C8orf74: variants seen among roughly 807,000 people sequenced by gnomAD.
C8orf74 encodes the protein uncharacterized protein C8orf74.
Under a neutral mutation model 22.2 loss-of-function variants are expected in C8orf74, and 29 were observed. The ratio of observed to expected loss-of-function variants is 1.31; its 90% CI spans 0.97 to 1.78. The LOEUF is 1.78. Among genes scored for constraint, C8orf74 ranks in the 40% most tolerant of loss-of-function variants. C8orf74 has a pLI of 0.00. For synonymous variants in C8orf74, 255 were observed against 163.1 expected (o/e 1.56, Z -4.30); for missense variants, 515 against 369.9 (o/e 1.39, Z -3.22).
rs1369677019 is a variant in C8orf74 at position 10,698,085 on chromosome 8, G to A, written c.648+80G>A. The A allele has an allele frequency of 2.9e-6, 4 of 1,358,888 alleles. No individual in the cohort carries two copies. The East Asian group carries it at 1.0e-4, about 35-fold the overall frequency. 84.2% of individuals were successfully genotyped at this position (1,358,888 alleles called of 1,614,324 possible). On this transcript the variant is annotated intron_variant, in intron 3 of 3. Coordinates refer to ENST00000304519, the MANE Select transcript of C8orf74 (RefSeq NM_001040032.2). ...CCAGGGCTGGAGTCACTGCAGATGG[G>A]AGCTCCTCAGTGGCACACAGGGGAG...
intron 2 of C8orf74, among the ~76,000 whole-genome samples, chr8:10,695,775 T>C (rs754699961): frequency 6.6e-6 from 1 of 152,236 alleles, no homozygotes; most frequent in East Asian, 1.9e-4. Flanking sequence ...AGGGCTCACA[T>C]GAAGGAAGAG....
chr8:10,699,328 G>A (rs1799601379), intron 3 of C8orf74, among the ~76,000 whole-genome samples: 1 of 152,186 alleles, frequency 6.6e-6, no homozygotes, highest in Admixed American at 6.5e-5. Flanking sequence ...CAAGGGCATA[G>A]AACAAAAAAC....
At chr8:10,673,057 G>A (rs1339646640) in intron 1 of C8orf74, among the ~76,000 whole-genome samples, 1 of 152,128 alleles carries the variant, frequency 6.6e-6, no homozygotes, top group Non-Finnish European at 1.5e-5. Flanking sequence ...CTTTCTAGGG[G>A]GTGCTGTCTA....
At chr8:10,697,113 G>A (rs6980758) in intron 2 of C8orf74, among the ~76,000 whole-genome samples, 1 of 152,070 alleles carries the variant, frequency 6.6e-6, no homozygotes, top group African/African-American at 2.4e-5. Flanking sequence ...TGGTACACTC[G>A]ATACCTTTCA....
chr8:10,698,663 C>A (rs1799584558), intron 3 of C8orf74, among the ~76,000 whole-genome samples: 1 of 152,080 alleles, frequency 6.6e-6, no homozygotes, highest in Non-Finnish European at 1.5e-5. Context: ...GAGGGCCTGG[C>A]CAAGCCTACA....
At chr8:10,686,317 G>A (rs1177332204) in intron 2 of C8orf74, among the ~76,000 whole-genome samples, 2 of 152,124 alleles carry the variant, frequency 1.3e-5, no homozygotes, top group African/African-American at 4.8e-5. Context: ...CTAAACCTCA[G>A]TTTCTTCATC....
intron 2 of C8orf74, chr8:10,691,195 CCAGG>C: frequency 5.8e-6 from 2 of 342,316 alleles, no homozygotes; most frequent in Non-Finnish European, 1.2e-5. Context: ...CCCTGTTGAC[CCAGG>C]ACAAGGTCTA....
At chr8:10,678,294 T>C (rs1008405762) in intron 2 of C8orf74, among the ~76,000 whole-genome samples, 1 of 152,168 alleles carries the variant, frequency 6.6e-6, no homozygotes, top group African/African-American at 2.4e-5. Context: ...CCTGGGATTG[T>C]TAGAAGGATC....
chr8:10,683,087 G>T (rs1799186290), intron 2 of C8orf74, among the ~76,000 whole-genome samples: 2 of 152,346 alleles, frequency 1.3e-5, no homozygotes, highest in Admixed American at 1.3e-4. Flanking sequence ...GTGCAGGAAG[G>T]CCTGAGAAGC....
chr8:10,678,440 T>C (rs1178256787), intron 2 of C8orf74, among the ~76,000 whole-genome samples: 1 of 152,042 alleles, frequency 6.6e-6, no homozygotes, highest in Non-Finnish European at 1.5e-5. Context: ...AAACCTGGCA[T>C]AGTCAGGGGT....
At chr8:10,683,326 T>C (rs780955227) in intron 2 of C8orf74, among the ~76,000 whole-genome samples, 7 of 152,228 alleles carry the variant, frequency 4.6e-5, no homozygotes, top group Non-Finnish European at 7.3e-5. Context: ...TGTCCTGGCC[T>C]GGATGTGCCA....
intron 2 of C8orf74, among the ~76,000 whole-genome samples, chr8:10,682,347 G>C (rs1386553973): frequency 6.6e-6 from 1 of 152,174 alleles, no homozygotes; most frequent in South Asian, 2.1e-4. Flanking sequence ...TAGTTTACCA[G>C]GGTTGCTGCA....
intron 2 of C8orf74, among the ~76,000 whole-genome samples, chr8:10,685,094 G>A (rs768691258): frequency 6.6e-5 from 10 of 152,174 alleles, no homozygotes; most frequent in South Asian, 2.1e-4. Flanking sequence ...ATTTATTTCC[G>A]GAGATTTTTA....
Position 10,698,018 on chromosome 8 carries a change from C to T in C8orf74, c.648+13C>T. On this transcript the variant is annotated intron_variant, in intron 3 of 3. Transcript: ENST00000304519. The stretch of plus-strand genomic sequence containing the variant: ...CCTGGAGAGACAGGTGAGGCTCTGC[C>T]CCCCTGCCGTGGGTGGGCACCTGGG... The T allele has an allele frequency of 1.4e-6, 2 of 1,451,948 alleles. No homozygotes were observed. Among genetic ancestry groups the T allele is most frequent in the South Asian group, 2.8e-5 (2 of 70,494 alleles). 89.9% of individuals were successfully genotyped at this position (1,451,948 alleles called of 1,614,324 possible).
intron 2 of C8orf74, among the ~76,000 whole-genome samples, chr8:10,676,384 C>A (rs959881185): frequency 1.3e-5 from 2 of 152,082 alleles, no homozygotes; most frequent in Non-Finnish European, 2.9e-5. Flanking sequence ...CTTCTGACCA[C>A]CCCCAGGGCC....
Position 10,674,781 on chromosome 8 carries a change from T to C in C8orf74, c.184T>C (p.Trp62Arg). Residue 62 changes from tryptophan (W) to arginine (R), a missense_variant, in exon 2 of 4, where the codon TGG becomes CGG. Coordinates refer to ENST00000304519, the MANE Select transcript of C8orf74 (RefSeq NM_001040032.2). The stretch of plus-strand genomic sequence containing the variant: ...CTTTGCAGTGGGCAAAGGCTTCCCA[T>C]GGGTGGAGGTGGCCCAGGTGGTCAA... ...IIFAVGKGFP[W>R]VEVAQVVKFT... The C allele has an allele frequency of 6.2e-7, 1 of 1,606,590 alleles. No homozygotes were observed. The highest frequency in any genetic ancestry group is 1.7e-5 in the Admixed American group (1 of 58,830).
intron 2 of C8orf74, among the ~76,000 whole-genome samples, chr8:10,677,743 G>C (rs973695901): frequency 6.6e-6 from 1 of 152,088 alleles, no homozygotes; most frequent in Non-Finnish European, 1.5e-5. Flanking sequence ...CGGTGAGGTG[G>C]TCAGGGATGT....
chr8:10,697,370 G>A (rs1007362136), intron 2 of C8orf74, among the ~76,000 whole-genome samples: 2 of 152,080 alleles, frequency 1.3e-5, no homozygotes, highest in East Asian at 3.9e-4. Flanking sequence ...GGAAGTTGGC[G>A]GCTGCAGCGA....
chr8:10,687,357 G>T (rs1586042147), intron 2 of C8orf74: 17 of 305,066 alleles, frequency 5.6e-5, no homozygotes, highest in South Asian at 4.6e-4. Context: ...AATAGAAATA[G>T]ATTGCATTAC....
Sources: allele counts gnomAD v4.1 joint callset (sites outside exome capture counted in the v4.1 genomes callset), GRCh38; gene constraint gnomAD v4.1.1; transcripts MANE v1.5; gene names NCBI Gene and HGNC (gene_info 2026-07-23, HGNC 2026-07-21).